The following ACSL4 variants were observed in gnomAD, a reference collection of about 807,000 sequenced individuals.
ACSL4 encodes long-chain-fatty-acid--CoA ligase 4.
In ACSL4, 9 loss-of-function variants were observed where a neutral mutation model predicts 49.1. That is an observed-to-expected ratio of 0.18 (90% confidence interval 0.11 to 0.32). The LOEUF is 0.32. Ranked by LOEUF, ACSL4 falls within the 10% of genes least tolerant of loss-of-function variation. The probability of loss-of-function intolerance (pLI) is 1.00; values close to 1 mark genes in which losing one functional copy is unlikely to be tolerated. For synonymous variants in ACSL4, 191 were observed against 170.3 expected, an observed-to-expected ratio of 1.12 and a Z score of -0.95; for missense variants, 333 against 493.7, an observed-to-expected ratio of 0.67 and a Z score of 3.08.
chrX:109,662,570 G>A (rs1840323042), intron 13 of ACSL4, among the ~76,000 whole-genome samples: 1 of 110,955 alleles, frequency 9.0e-6, no homozygotes, highest in Admixed American at 9.6e-5. Flanking sequence ...TCATCCAAGT[G>A]AATAGCACAA....
chrX:109,643,770 T>A lies in ACSL4; in HGVS notation c.*259A>T, dbSNP rs1219720825. The A allele has an allele frequency of 3.3e-6, 1 of 302,979 alleles. No homozygotes were observed. The highest frequency in any genetic ancestry group is 5.7e-5 in the East Asian group (1 of 17,488). The allele number at this position is 302,979 out of a possible 1,213,427, so 25.0% of individuals were successfully genotyped here. On this transcript the variant is annotated 3_prime_UTR_variant, in exon 16 of 16. Transcript: ENST00000672401. ...AAAAACAAGTATATCTTAGGCTAAT[T>A]TTTAAAAACAGAATTTCTGCTCTAT...
Position 109,713,659 on chromosome X carries a change from A to G in ACSL4, c.-65-17463T>C, listed in dbSNP as rs746501143. On this transcript the variant is annotated intron_variant, in intron 1 of 15. Transcript: ENST00000672401. Reference sequence around the variant, plus strand: ...TGGCTTATTGAGCCACTGTAATGATAAGAGTGTCATATTTCTCATTTGTTA... The same window carrying G: ...TGGCTTATTGAGCCACTGTAATGATGAGAGTGTCATATTTCTCATTTGTTA... Among the ~76,000 whole-genome samples the G allele has an allele frequency of 1.3e-4, 15 of 112,107 alleles. 3 individuals carry two copies. The South Asian group carries it at 1.5e-3, about 11-fold the overall frequency.
intron 1 of ACSL4, among the ~76,000 whole-genome samples, chrX:109,716,247 G>A (rs1927110286): frequency 1.8e-5 from 2 of 111,631 alleles, no homozygotes; most frequent in Admixed American, 9.6e-5. Context: ...TCACACATGA[G>A]GCAATCCTCA....
At chrX:109,664,482 A>AG (rs1375489628) in intron 12 of ACSL4, among the ~76,000 whole-genome samples, 1 of 111,950 alleles carries the variant, frequency 8.9e-6, no homozygotes, top group African/African-American at 3.2e-5. Context: ...CCATGGAAAA[A>AG]GGGAAGACTA....
chrX:109,641,401 C>CT lies in ACSL4; in HGVS notation c.*2627dup, dbSNP rs1934442837. 8.8e-6 allele frequency: 1 copy of CT among 113,096 alleles called. No individual in the cohort carries two copies. Among genetic ancestry groups the CT allele is most frequent in the Non-Finnish European group, 1.9e-5 (1 of 53,280 alleles). The allele number at this position is 113,096 out of a possible 1,213,427, so 9.3% of individuals were successfully genotyped here. ...AACTTAAAAACAAGAACAAACAAAG[C>CT]TTTTCATCAAGAATAAACACAAAAT... On this transcript the variant is annotated 3_prime_UTR_variant, in exon 16 of 16. Coordinates refer to ENST00000672401, the MANE Select transcript of ACSL4 (RefSeq NM_001318510.2).
At chrX:109,656,099 T>C (rs1921624274) in intron 15 of ACSL4, among the ~76,000 whole-genome samples, 1 of 110,558 alleles carries the variant, frequency 9.0e-6, no homozygotes, top group African/African-American at 3.3e-5. Flanking sequence ...CAAAGGAAAT[T>C]CCCAGGATGA....
At chrX:109,647,498 A>G (rs780974306) in intron 15 of ACSL4, among the ~76,000 whole-genome samples, 1 of 112,147 alleles carries the variant, frequency 8.9e-6, no homozygotes, top group East Asian at 2.8e-4. Context: ...ACAATATACC[A>G]GAATCTCTGG....
chrX:109,645,971 A>G (rs1370752936), intron 15 of ACSL4, among the ~76,000 whole-genome samples: 1 of 111,838 alleles, frequency 8.9e-6, no homozygotes, highest in African/African-American at 3.3e-5. Context: ...AGTTTAGAGA[A>G]AAAAGAATAA....
chrX:109,693,252 T>C (rs1251661837), intron 2 of ACSL4, among the ~76,000 whole-genome samples: 1 of 110,126 alleles, frequency 9.1e-6, no homozygotes, highest in Non-Finnish European at 1.9e-5. Flanking sequence ...TACAAAATTG[T>C]ATCGTGATTT....
chrX:109,658,391 T>C (rs1921870635), intron 15 of ACSL4, among the ~76,000 whole-genome samples: 2 of 111,537 alleles, frequency 1.8e-5, no homozygotes, highest in South Asian at 7.4e-4. Flanking sequence ...CAAATTCATC[T>C]GCAGCATGGC....
At chrX:109,647,289 C>A (rs1168419191) in intron 15 of ACSL4, among the ~76,000 whole-genome samples, 3 of 111,621 alleles carry the variant, frequency 2.7e-5, no homozygotes, top group Non-Finnish European at 5.6e-5. Flanking sequence ...CTCTCCTCAG[C>A]AAATGTAAAA....
chrX:109,662,344 A>G (rs1357849425), intron 13 of ACSL4, among the ~76,000 whole-genome samples: 1 of 110,925 alleles, frequency 9.0e-6, no homozygotes, highest in Non-Finnish European at 1.9e-5. Context: ...AAAAAAGCTT[A>G]TTGTTTCTCA....
At chrX:109,713,282 C>T (rs1355945267) in intron 1 of ACSL4, among the ~76,000 whole-genome samples, 2 of 111,931 alleles carry the variant, frequency 1.8e-5, no homozygotes, top group Non-Finnish European at 3.8e-5. Context: ...AAGTCTATCT[C>T]TACCGTACTG....
At chrX:109,650,044 T>C (rs1934946229) in intron 15 of ACSL4, among the ~76,000 whole-genome samples, 1 of 111,257 alleles carries the variant, frequency 9.0e-6, no homozygotes, top group Admixed American at 9.5e-5. Flanking sequence ...CTGGAGAGGA[T>C]GTCGAGAAAT....
chrX:109,646,718 C>G (rs1934724136), intron 15 of ACSL4, among the ~76,000 whole-genome samples: 1 of 111,096 alleles, frequency 9.0e-6, no homozygotes, highest in Non-Finnish European at 1.9e-5. Flanking sequence ...TTAAAAGACA[C>G]AGACTGGCAA....
Position 109,663,596 on chromosome X carries a change from A to C in ACSL4, c.1391-194T>G, listed in dbSNP as rs754840345. On this transcript the variant is annotated intron_variant, in intron 12 of 15. Transcript: ENST00000672401. ...TTTTAAGAACACCAAGAAAGGCTCAATGATAATCACCACCAACAATCACCC... is the reference window on the plus strand; with the variant it reads ...TTTTAAGAACACCAAGAAAGGCTCACTGATAATCACCACCAACAATCACCC... Among the ~76,000 whole-genome samples, 14 of 111,605 alleles carry C rather than the reference A, an allele frequency of 1.3e-4. 3 individuals are homozygous for C. The South Asian group carries it at 1.5e-3, about 12-fold the overall frequency.
At chrX:109,652,882 A>G (rs1251633048) in intron 15 of ACSL4, among the ~76,000 whole-genome samples, 1 of 111,623 alleles carries the variant, frequency 9.0e-6, no homozygotes, top group Non-Finnish European at 1.9e-5. Context: ...AGCTTTTTCA[A>G]TCTGATTATG....
rs966367717 is a variant in ACSL4, at chrX:109,686,806, A to G, written c.-12-3431T>C. On this transcript the variant is annotated intron_variant, in intron 2 of 15. Coordinates refer to ENST00000672401, the MANE Select transcript of ACSL4 (RefSeq NM_001318510.2). ...CACACACACACACACACACACACAC[A>G]GTAGGCAAGGCTCAAAGAACATTCA... 4.5e-5 allele frequency among the ~76,000 whole-genome samples: 5 copies of G among 110,750 alleles called. No individual in the cohort carries two copies. In the East Asian group the frequency reaches 1.4e-3, roughly 31 times the overall value.
At chrX:109,662,967 G>A (rs756151346) in intron 13 of ACSL4, among the ~76,000 whole-genome samples, 42 of 111,211 alleles carry the variant, frequency 3.8e-4, no homozygotes, top group Non-Finnish European at 6.2e-4. Context: ...TAGTACTTAC[G>A]CTAAGGTTCA....
Sources: gnomAD v4.1 joint callset for allele counts (sites outside exome capture counted in the v4.1 genomes callset) on GRCh38, gnomAD v4.1.1 for gene constraint, MANE v1.5 for transcripts, NCBI Gene and HGNC (gene_info 2026-07-23, HGNC 2026-07-21) for gene names.